MAMLD1: variants seen among roughly 807,000 people sequenced by gnomAD.
The protein encoded by MAMLD1 is mastermind-like domain-containing protein 1.
In MAMLD1, 14 loss-of-function variants were observed where a neutral mutation model predicts 45.0. The observed-to-expected ratio is 0.31, with a 90% CI of 0.21 to 0.49. The LOEUF is 0.49. Ranked by LOEUF, MAMLD1 falls within the 20% of genes least tolerant of loss-of-function variation. The probability of loss-of-function intolerance (pLI) is 0.99; values close to 1 mark genes in which losing one functional copy is unlikely to be tolerated. For missense variants in MAMLD1, 543 were observed against 603.6 expected, an observed-to-expected ratio of 0.90 and a Z score of 1.05; for synonymous variants, 254 against 247.8, an observed-to-expected ratio of 1.02 and a Z score of -0.24.
chrX:150,489,802 G>C (rs782311210), intron 5 of MAMLD1, among the ~76,000 whole-genome samples: 1 of 110,686 alleles, frequency 9.0e-6, no homozygotes, highest in African/African-American at 3.3e-5. Flanking sequence ...TTCAAGGAAT[G>C]TACTGGGGGA....
chrX:150,485,138 A>G (rs1557407536), intron 5 of MAMLD1, among the ~76,000 whole-genome samples: 1 of 110,400 alleles, frequency 9.1e-6, no homozygotes, highest in African/African-American at 3.3e-5. Flanking sequence ...CCTACATCCC[A>G]CTTGCAAGGG....
intron 2 of MAMLD1, among the ~76,000 whole-genome samples, chrX:150,460,983 G>C (rs925909868): frequency 8.9e-6 from 1 of 112,767 alleles, no homozygotes; most frequent in Non-Finnish European, 1.9e-5. Flanking sequence ...ACTCAGCCAA[G>C]ATGGTGGCAC....
In MAMLD1 at chrX:150,473,809, CT is replaced by C. The variant is rs782652607; in HGVS notation, c.2040+10del. On this transcript the variant is annotated splice_region_variant and intron_variant, in intron 5 of 7. Coordinates refer to ENST00000370401, the MANE Select transcript of MAMLD1 (RefSeq NM_005491.5). ...CGTGTCACCGTCTAACATTGTGAGC[CT>C]TTCTGTTTTGTTTTGTCTTCAATTG... is the stretch of plus-strand genomic sequence containing the variant. The C allele has an allele frequency of 8.3e-7, 1 of 1,210,393 alleles. No homozygotes were observed. Among genetic ancestry groups the C allele is most frequent in the South Asian group, 1.8e-5 (1 of 56,941 alleles).
intron 1 of MAMLD1, among the ~76,000 whole-genome samples, chrX:150,439,436 C>A (rs1557404418): frequency 9.0e-6 from 1 of 111,407 alleles, no homozygotes; most frequent in African/African-American, 3.3e-5. Flanking sequence ...TCTATGTTTT[C>A]TTTTAAGAGT....
At chrX:150,427,331 A>G (rs1264048841) in intron 1 of MAMLD1, among the ~76,000 whole-genome samples, 2 of 112,659 alleles carry the variant, frequency 1.8e-5, no homozygotes, top group African/African-American at 6.4e-5. Context: ...TTACTCTGCC[A>G]TCAACATTAT....
intron 2 of MAMLD1, among the ~76,000 whole-genome samples, chrX:150,449,301 C>A (rs1557404954): frequency 9.0e-6 from 1 of 111,643 alleles, no homozygotes; most frequent in Non-Finnish European, 1.9e-5. Context: ...CGATGAAAAA[C>A]AACCCCTCAG....
At chrX:150,503,227 C>A in intron 5 of MAMLD1, 47 bp from the exon 6 acceptor site, 1 of 1,114,027 alleles carries the variant, frequency 9.0e-7, no homozygotes, top group South Asian at 1.8e-5. Flanking sequence ...CAGTCAGAAC[C>A]ATTTTGTGGC....
intron 5 of MAMLD1, among the ~76,000 whole-genome samples, chrX:150,476,575 G>A (rs782551896): frequency 1.4e-3 from 159 of 111,609 alleles, no homozygotes; most frequent in Middle Eastern, 0.014. Flanking sequence ...ATGGGGAGGA[G>A]GGATGTGGAT....
chrX:150,404,605 T>A (rs1252339520), intron 1 of MAMLD1, among the ~76,000 whole-genome samples: 2 of 111,691 alleles, frequency 1.8e-5, no homozygotes, highest in Non-Finnish European at 1.9e-5. Flanking sequence ...TTTGCATATG[T>A]GTACACCATC....
chrX:150,482,009 A>AAAGC (rs2036821264), intron 5 of MAMLD1, among the ~76,000 whole-genome samples: 1 of 108,367 alleles, frequency 9.2e-6, no homozygotes, highest in Non-Finnish European at 1.9e-5. Flanking sequence ...AGAAAGAAAG[A>AAAGC]AAGAAAGAAA....
chrX:150,485,057 G>T (rs372225788), intron 5 of MAMLD1, among the ~76,000 whole-genome samples: 34 of 111,208 alleles, frequency 3.1e-4, no homozygotes, highest in African/African-American at 9.2e-4. Context: ...CTGATCAAAT[G>T]CTCCACGTAC....
intron 5 of MAMLD1, among the ~76,000 whole-genome samples, chrX:150,493,153 C>T (rs1237443798): frequency 9.0e-6 from 1 of 111,520 alleles, no homozygotes. Context: ...TCCTGAACCT[C>T]GGAAGGGTCG....
At chrX:150,455,168 G>A (rs1292557211) in intron 2 of MAMLD1, among the ~76,000 whole-genome samples, 1 of 112,012 alleles carries the variant, frequency 8.9e-6, no homozygotes, top group Non-Finnish European at 1.9e-5. Flanking sequence ...GAACATCAAC[G>A]TGTGTTTATG....
intron 2 of MAMLD1, among the ~76,000 whole-genome samples, chrX:150,447,769 G>T (rs1557404865): frequency 1.8e-5 from 2 of 111,228 alleles, no homozygotes. Context: ...GATCTCAGAT[G>T]TTTCCCTTGT....
intron 1 of MAMLD1, among the ~76,000 whole-genome samples, chrX:150,427,593 G>A (rs1466628536): frequency 9.1e-6 from 1 of 109,883 alleles, no homozygotes; most frequent in Non-Finnish European, 1.9e-5. Flanking sequence ...CCCTATCCAG[G>A]GAACAGAGGA....
rs1212383283 is a variant in MAMLD1, at chrX:150,512,661, C to T, written c.*702C>T. The T allele has an allele frequency of 2.4e-5, 28 of 1,149,530 alleles. No individual in the cohort carries two copies. The highest frequency in any genetic ancestry group is 3.2e-5 in the Non-Finnish European group (28 of 868,920). The allele number at this position is 1,149,530 out of a possible 1,213,427, so 94.7% of individuals were successfully genotyped here. A position where few individuals can be genotyped will look rare whatever the true frequency, so the allele number is the denominator to read the frequency against. On this transcript the variant is annotated 3_prime_UTR_variant, in exon 8 of 8. Coordinates refer to ENST00000370401, the MANE Select transcript of MAMLD1 (RefSeq NM_005491.5). The stretch of plus-strand genomic sequence containing the variant: ...CCGGTACAGGGCCCGGTGCCTGTAG[C>T]AAACACCACCAAGTTCCTCCAGCAG...
At chrX:150,410,307 T>C (rs1212894216) in intron 1 of MAMLD1, among the ~76,000 whole-genome samples, 1 of 112,174 alleles carries the variant, frequency 8.9e-6, no homozygotes, top group Non-Finnish European at 1.9e-5. Flanking sequence ...TGCATTTGCA[T>C]TGAAGTTAGT....
intron 1 of MAMLD1, among the ~76,000 whole-genome samples, chrX:150,402,222 C>T (rs1426290378): frequency 9.1e-6 from 1 of 110,052 alleles, no homozygotes; most frequent in East Asian, 2.8e-4. Flanking sequence ...AACAAATTTA[C>T]AAGAAGAAAA....
chrX:150,392,382 T>C (rs2033219822), intron 1 of MAMLD1, among the ~76,000 whole-genome samples: 1 of 111,324 alleles, frequency 9.0e-6, no homozygotes, highest in Non-Finnish European at 1.9e-5. Flanking sequence ...ACCTCACTAA[T>C]ACCTGAGGTG....
Sources: allele counts gnomAD v4.1 joint callset (sites outside exome capture counted in the v4.1 genomes callset), GRCh38; gene constraint gnomAD v4.1.1; transcripts MANE v1.5; gene names NCBI Gene and HGNC (gene_info 2026-07-23, HGNC 2026-07-21).